The following MAST2 variants were observed in gnomAD, a reference collection of about 807,000 sequenced individuals.
MAST2 encodes the protein microtubule-associated serine/threonine-protein kinase 2.
MAST2 carries 70 observed loss-of-function variants against 147.4 expected under a neutral mutation model. The observed-to-expected ratio is 0.47, with a 90% CI of 0.39 to 0.58. MAST2 has a LOEUF of 0.58. Ranked by LOEUF, MAST2 falls within the 20% of genes least tolerant of loss-of-function variation. The probability of loss-of-function intolerance (pLI) is 0.00; values close to 1 mark genes in which losing one functional copy is unlikely to be tolerated. For synonymous variants in MAST2, 869 were observed against 896.8 expected, an observed-to-expected ratio of 0.97 and a Z score of 0.55; for missense variants, 2,080 against 2,302.3, an observed-to-expected ratio of 0.90 and a Z score of 1.98.
At chr1:45,920,895 A>T (rs532640776) in intron 4 of MAST2, among the ~76,000 whole-genome samples, 22 of 152,238 alleles carry the variant, frequency 1.4e-4, no homozygotes, top group African/African-American at 4.8e-4. Flanking sequence ...TGTTTTATAG[A>T]TGAAGACACT....
intron 1 of MAST2, among the ~76,000 whole-genome samples, chr1:45,817,911 A>G (rs1158826767): frequency 6.6e-6 from 1 of 151,810 alleles, no homozygotes; most frequent in Non-Finnish European, 1.5e-5. Flanking sequence ...GCCAATGAGA[A>G]ATGTTTGTTC....
In MAST2 at chr1:45,931,536, C is replaced by A. The variant is rs567310927; in HGVS notation, c.501-27850C>A. Among the ~76,000 whole-genome samples the A allele has an allele frequency of 8.6e-5, 13 of 151,786 alleles. 1 individual carries two copies. In the South Asian group the frequency reaches 2.5e-3, roughly 29 times the overall value. ...AGAGTGTCTCGCTCTGTCACCCAGG[C>A]TGGAGTGCAGTGGCATGATCTGGGC... On this transcript the variant is annotated intron_variant, in intron 4 of 28. Coordinates refer to ENST00000361297, the MANE Select transcript of MAST2 (RefSeq NM_015112.3).
intron 4 of MAST2, among the ~76,000 whole-genome samples, chr1:45,897,754 A>G (rs982480109): frequency 6.6e-6 from 1 of 151,842 alleles, no homozygotes; most frequent in Non-Finnish European, 1.5e-5. Context: ...GGTTGCGGTG[A>G]GCCATAATCA....
At chr1:45,839,302 G>A (rs998677831) in intron 3 of MAST2, among the ~76,000 whole-genome samples, 4 of 151,962 alleles carry the variant, frequency 2.6e-5, no homozygotes, top group Non-Finnish European at 4.4e-5. Flanking sequence ...CTAGTTTTTG[G>A]TATTTTTAGT....
At chr1:45,828,968 A>G (rs1240668270) in intron 2 of MAST2, among the ~76,000 whole-genome samples, 1 of 151,836 alleles carries the variant, frequency 6.6e-6, no homozygotes, top group Non-Finnish European at 1.5e-5. Context: ...GGAATTCCCT[A>G]TACTTGGTCT....
At chr1:45,857,990 G>A (rs1645849117) in intron 3 of MAST2, among the ~76,000 whole-genome samples, 4 of 150,796 alleles carry the variant, frequency 2.7e-5, no homozygotes, top group South Asian at 2.1e-4. Flanking sequence ...TATGTGCCAC[G>A]TTTTCTTAAT....
chr1:45,962,196 G>A (rs557436121), intron 5 of MAST2, among the ~76,000 whole-genome samples: 13 of 152,294 alleles, frequency 8.5e-5, no homozygotes, highest in Non-Finnish European at 1.5e-4. Flanking sequence ...TTGGTTCCAA[G>A]CCTTTGCTAT....
intron 3 of MAST2, among the ~76,000 whole-genome samples, chr1:45,844,238 T>G (rs1490994555): frequency 6.6e-6 from 1 of 152,176 alleles, no homozygotes; most frequent in African/African-American, 2.4e-5. Flanking sequence ...TAGTTGGGAC[T>G]ACAGGCATGG....
chr1:46,013,423 G>A (rs1571207190), intron 10 of MAST2, among the ~76,000 whole-genome samples: 1 of 152,108 alleles, frequency 6.6e-6, no homozygotes, highest in African/African-American at 2.4e-5. Flanking sequence ...GCTCACTCCT[G>A]TAATCCCAGC....
At chr1:45,925,060 G>A (rs1488982428) in intron 4 of MAST2, among the ~76,000 whole-genome samples, 1 of 152,228 alleles carries the variant, frequency 6.6e-6, no homozygotes, top group East Asian at 1.9e-4. Flanking sequence ...GCATTTGGCT[G>A]CATTGCCCCA....
chr1:45,961,708 G>A (rs1660442872), intron 5 of MAST2, among the ~76,000 whole-genome samples: 1 of 152,066 alleles, frequency 6.6e-6, no homozygotes, highest in Non-Finnish European at 1.5e-5. Flanking sequence ...GTTGAGACAG[G>A]CAGCACTGAT....
intron 1 of MAST2, among the ~76,000 whole-genome samples, chr1:45,814,103 A>C (rs1355341079): frequency 1.3e-5 from 2 of 152,260 alleles, no homozygotes; most frequent in African/African-American, 2.4e-5. Flanking sequence ...ACATAGAGTT[A>C]GTGCATGCAC....
At chr1:45,959,320 A>G in intron 4 of MAST2, 66 bp from the exon 5 acceptor site, 4 of 1,325,900 alleles carry the variant, frequency 3.0e-6, no homozygotes, top group Non-Finnish European at 4.3e-6. Context: ...GTTCCTTAAA[A>G]ACCACTCAAG....
At chr1:46,026,063 A>G (rs903477393) in intron 16 of MAST2, among the ~76,000 whole-genome samples, 1 of 152,194 alleles carries the variant, frequency 6.6e-6, no homozygotes, top group African/African-American at 2.4e-5. Context: ...CCCACTGAAG[A>G]AACCAAGCAA....
Position 46,031,354 on chromosome 1 carries a change from C to T in MAST2, c.2993-37C>T, listed in dbSNP as rs764053879. The T allele has an allele frequency of 6.9e-6, 11 of 1,582,896 alleles. No homozygotes were observed. The highest frequency in any genetic ancestry group is 6.9e-5 in the South Asian group (6 of 86,602). ...GATACTGCAGGGCAGGGAGGCTCAGCGGCATCGCGGGTCTCACTGCTTACT... is the reference window on the plus strand; with the variant it reads ...GATACTGCAGGGCAGGGAGGCTCAGTGGCATCGCGGGTCTCACTGCTTACT... On this transcript the variant is annotated intron_variant, in intron 23 of 28. Coordinates refer to ENST00000361297, the MANE Select transcript of MAST2 (RefSeq NM_015112.3). The surrounding 1 kb of genome is among the most constrained non-coding windows in gnomAD (Gnocchi z 4.1).
chr1:45,829,373 T>G, intron 2 of MAST2, 66 bp from the exon 3 acceptor site: 3 of 1,423,022 alleles, frequency 2.1e-6, no homozygotes, highest in Non-Finnish European at 1.9e-6. Context: ...ATCACTGTAT[T>G]TGTATTTTTT....
chr1:46,013,078 G>C (rs945002561), intron 10 of MAST2, among the ~76,000 whole-genome samples: 1 of 152,036 alleles, frequency 6.6e-6, no homozygotes, highest in Non-Finnish European at 1.5e-5. Flanking sequence ...GACCTGATCA[G>C]ATTTTAGAAT....
chr1:45,993,880 C>T (rs959756959), intron 5 of MAST2, among the ~76,000 whole-genome samples: 2 of 152,046 alleles, frequency 1.3e-5, no homozygotes, highest in Non-Finnish European at 2.9e-5. Flanking sequence ...CTCCTGAGTT[C>T]AGTAATTCAC....
At position 46,010,776 on chromosome 1, in the gene MAST2, A is replaced by G. The variant is rs367966442; in HGVS notation, c.1025A>G (p.Asn342Ser). ...EERLAEFISS[N>S]TPDSVLPLAD... ...CGACTAGCAGAGTTTATTTCCTCCA[A>G]CACTCCAGACAGCGTGCTGCCCTTG... The change falls in exon 10 of 29, where the codon AAC becomes AGC. Residue 342 changes from asparagine to serine, a missense_variant. Coordinates refer to ENST00000361297, the MANE Select transcript of MAST2 (RefSeq NM_015112.3). The G allele has an allele frequency of 6.8e-6, 11 of 1,613,980 alleles. No individual in the cohort carries two copies. Among genetic ancestry groups the G allele is most frequent in the Admixed American group, 6.7e-5 (4 of 60,008 alleles).
Sources: allele counts gnomAD v4.1 joint callset (sites outside exome capture counted in the v4.1 genomes callset), GRCh38; gene constraint gnomAD v4.1.1; non-coding constraint Gnocchi (gnomAD v3.1); transcripts MANE v1.5; gene names NCBI Gene and HGNC (gene_info 2026-07-23, HGNC 2026-07-21).